EYS: variants seen among roughly 807,000 people sequenced by gnomAD.
EYS encodes the protein EGF-like photoreceptor maintenance factor, also known as protein eyes shut homolog.
EYS carries 250 observed loss-of-function variants against 282.1 expected under a neutral mutation model. That is an observed-to-expected ratio of 0.89 (90% CI 0.80 to 0.98). The LOEUF is 0.98. Ranked by LOEUF, EYS falls within the 50% of genes least tolerant of loss-of-function variation. The probability of loss-of-function intolerance (pLI) is 0.00; values close to 1 mark genes in which losing one functional copy is unlikely to be tolerated. For synonymous variants in EYS, 1,355 were observed against 1,282.9 expected, an observed-to-expected ratio of 1.06 and a Z score of -1.20; for missense variants, 4,016 against 3,709.0, an observed-to-expected ratio of 1.08 and a Z score of -2.15.
At chr6:65,401,070 TTTGTACTTTAGCTCTTC>T (rs1766475337) in intron 7 of EYS, among the ~76,000 whole-genome samples, 1 of 151,944 alleles carries the variant, frequency 6.6e-6, no homozygotes, top group South Asian at 2.1e-4. Context: ...GGAACAACCA[TTTGTACTTTAGCTCTTC>T]AAGAAGTTCT....
chr6:64,125,154 G>GCGCGCGCGCGCGCGCGCGCTCTCTC (rs1773724746), intron 31 of EYS, among the ~76,000 whole-genome samples: 1 of 145,264 alleles, frequency 6.9e-6, no homozygotes, highest in African/African-American at 2.6e-5. Context: ...CACACTCTCT[G>GCGCGCGCGCGCGCGCGCGCTCTCTC]TCTCTCTCTC....
At chr6:63,968,692 C>T (rs1320069971) in intron 35 of EYS, among the ~76,000 whole-genome samples, 3 of 152,182 alleles carry the variant, frequency 2.0e-5, no homozygotes, top group African/African-American at 4.8e-5. Flanking sequence ...ATAAAAGACT[C>T]TCCTGCCAGA....
chr6:65,523,958 G>A lies in EYS; in HGVS notation c.-332-27965C>T, dbSNP rs148058824. ...ACGATCCCAGCTCACTGCAAACTCC[G>A]CCTCCTGGGTTCAAGTGATTCTTCT... On this transcript the variant is annotated intron_variant, in intron 2 of 42. Transcript: ENST00000503581. Among the ~76,000 whole-genome samples the A allele has an allele frequency of 2.8e-3, 433 of 152,262 alleles. 2 individuals carry two copies. The highest frequency in any genetic ancestry group is 5.0e-3 in the Non-Finnish European group (340 of 68,014).
intron 30 of EYS, among the ~76,000 whole-genome samples, chr6:64,285,515 T>C (rs531759386): frequency 4.5e-4 from 69 of 152,280 alleles, no homozygotes; most frequent in African/African-American, 1.5e-3. Context: ...GTCTAGGAAG[T>C]TCCAAACTTT....
chr6:64,534,287 CT>C (rs200478924), intron 26 of EYS, among the ~76,000 whole-genome samples: 1,641 of 150,878 alleles, frequency 0.011, 32 homozygotes, highest in African/African-American at 0.039. Flanking sequence ...AGCTACTAAA[CT>C]TTTTTTTTAA....
intron 39 of EYS, among the ~76,000 whole-genome samples, chr6:63,782,156 A>C (rs1770245414): frequency 6.6e-6 from 1 of 152,152 alleles, no homozygotes; most frequent in African/African-American, 2.4e-5. Context: ...GTTTGCCAGT[A>C]TTTTATTGAG....
At chr6:64,246,045 A>AAAAAAG (rs1767007860) in intron 30 of EYS, among the ~76,000 whole-genome samples, 1 of 139,616 alleles carries the variant, frequency 7.2e-6, no homozygotes, top group African/African-American at 2.6e-5. Context: ...AAAAAAAAAA[A>AAAAAAG]AGAATTTTGG....
rs1241199188 is a variant in EYS, at chr6:64,146,479, T to TATA, written c.6425-64480_6425-64478dup. Among the ~76,000 whole-genome samples the TATA allele has an allele frequency of 8.5e-5, 13 of 152,096 alleles. No individual in the cohort carries two copies. The East Asian group carries it at 2.5e-3, about 29-fold the overall frequency. On this transcript the variant is annotated intron_variant, in intron 31 of 42. Transcript: ENST00000503581. ...GCAGAACCTGAGGCAAGAACTTGAG[T>TATA]ATAGTTTATATGGAATGTGATTCAC...
chr6:65,440,449 A>C (rs1582294510), intron 5 of EYS, among the ~76,000 whole-genome samples: 1 of 152,050 alleles, frequency 6.6e-6, no homozygotes, highest in Admixed American at 6.6e-5. Flanking sequence ...ACATTTTCTA[A>C]ATTTTATGAA....
intron 22 of EYS, among the ~76,000 whole-genome samples, chr6:64,795,208 AT>A (rs1210624453): frequency 1.3e-5 from 2 of 150,218 alleles, no homozygotes; most frequent in Non-Finnish European, 3.0e-5. Flanking sequence ...GCACTCCAGC[AT>A]GGGTAACAAG....
At chr6:65,214,475 A>G (rs1766262035) in intron 12 of EYS, among the ~76,000 whole-genome samples, 2 of 152,212 alleles carry the variant, frequency 1.3e-5, no homozygotes, top group Admixed American at 1.3e-4. Flanking sequence ...AAGCTACAGA[A>G]GAAAAGTTCG....
intron 22 of EYS, among the ~76,000 whole-genome samples, chr6:64,793,427 T>C (rs1774252797): frequency 6.6e-6 from 1 of 152,230 alleles, no homozygotes; most frequent in East Asian, 1.9e-4. Flanking sequence ...ATGTCGAGGA[T>C]CTTAAGTAAT....
chr6:65,321,989 C>T (rs1026599777), intron 11 of EYS, among the ~76,000 whole-genome samples: 10 of 152,084 alleles, frequency 6.6e-5, no homozygotes, highest in African/African-American at 1.2e-4. Flanking sequence ...TTTCTTTTCT[C>T]CACTCCCTCA....
intron 14 of EYS, among the ~76,000 whole-genome samples, chr6:64,993,170 A>G (rs1248774899): frequency 1.3e-5 from 2 of 152,072 alleles, no homozygotes; most frequent in African/African-American, 2.4e-5. Context: ...AGGGAAGGAA[A>G]TAAGCGACTC....
intron 35 of EYS, among the ~76,000 whole-genome samples, chr6:63,962,298 G>A (rs1366884428): frequency 1.2e-4 from 18 of 152,116 alleles, no homozygotes; most frequent in Middle Eastern, 3.4e-3. Context: ...ACAGCAAAAG[G>A]AACTACCATC....
intron 13 of EYS, among the ~76,000 whole-genome samples, chr6:65,014,876 T>C (rs577067009): frequency 1.3e-5 from 2 of 152,284 alleles, no homozygotes; most frequent in African/African-American, 4.8e-5. Context: ...GATTTTGTTG[T>C]GGTAAGCTTA....
intron 12 of EYS, among the ~76,000 whole-genome samples, chr6:65,220,279 C>T (rs187607230): frequency 1.3e-5 from 2 of 151,970 alleles, no homozygotes; most frequent in African/African-American, 4.8e-5. Flanking sequence ...TCATTAGGTA[C>T]ATTTTTACCA....
intron 41 of EYS, among the ~76,000 whole-genome samples, chr6:63,741,396 T>A (rs973350025): frequency 6.6e-6 from 1 of 152,184 alleles, no homozygotes; most frequent in Non-Finnish European, 1.5e-5. Flanking sequence ...ATTTATGAAA[T>A]CCATAGATTT....
At chr6:64,893,615 T>A (rs1423364808) in intron 18 of EYS, among the ~76,000 whole-genome samples, 1 of 152,000 alleles carries the variant, frequency 6.6e-6, no homozygotes, top group Non-Finnish European at 1.5e-5. Context: ...TGATTTTTAA[T>A]CTGTGAAAGA....
Sources: allele counts gnomAD v4.1 joint callset (sites outside exome capture counted in the v4.1 genomes callset), GRCh38; gene constraint gnomAD v4.1.1; transcripts MANE v1.5; gene names NCBI Gene and HGNC (gene_info 2026-07-23, HGNC 2026-07-21).